HYAL2: variants seen among roughly 807,000 people sequenced by gnomAD.
HYAL2 encodes hyaluronidase-2.
HYAL2 carries 30 observed loss-of-function variants against 35.4 expected under a neutral mutation model. The observed-to-expected ratio is 0.85, with a 90% CI of 0.63 to 1.15. HYAL2 has a LOEUF of 1.15. Ranked by LOEUF, HYAL2 falls within the 50% of genes most tolerant of loss-of-function variation. The pLI is 0.00. For missense variants in HYAL2, 635 were observed against 646.5 expected (o/e 0.98, Z 0.19); for synonymous variants, 262 against 252.8 (o/e 1.04, Z -0.34).
rs782561712 is a variant in HYAL2, at chr3:50,319,631, C to T, written c.859G>A (p.Ala287Thr). ...RVARTHHANH[A>T]LPVYVFTRPT... ...CGTGTGAAGACGTAGACTGGGAGTG[C>T]ATGGTTGGCATGGTGGGTGCGAGCC... Residue 287 changes from alanine (A) to threonine (T), a missense_variant, in exon 2 of 4, where the codon GCA (alanine) becomes ACA (threonine). Physicochemically the swap from Ala to Thr is moderately conservative, Grantham distance 58. Coordinates refer to ENST00000357750, the MANE Select transcript of HYAL2 (RefSeq NM_003773.5). 2 of 1,613,678 alleles carry T rather than the reference C, an allele frequency of 1.2e-6. No individual in the cohort carries two copies. The highest frequency in any genetic ancestry group is 1.1e-5 in the South Asian group (1 of 91,086).
chr3:50,318,050 CA>C lies in HYAL2; in HGVS notation c.*78del. On this transcript the variant is annotated 3_prime_UTR_variant, in exon 4 of 4. Coordinates refer to ENST00000357750, the MANE Select transcript of HYAL2 (RefSeq NM_003773.5). The surrounding 1 kb of genome is among the most constrained non-coding windows in gnomAD (Gnocchi z 4.5). ...TGCCCACTCCAGACTCCAGTTTGTCCACCCCCTGCAGGGTCCTACATGCCTA... is the reference window on the plus strand; with the variant it reads ...TGCCCACTCCAGACTCCAGTTTGTCCCCCCCTGCAGGGTCCTACATGCCTA... 6.9e-7 allele frequency: 1 copy of C among 1,456,956 alleles called. No individual in the cohort carries two copies. Among genetic ancestry groups the C allele is most frequent in the South Asian group, 1.4e-5 (1 of 72,606 alleles). 90.3% of individuals were successfully genotyped at this position (1,456,956 alleles called of 1,614,324 possible).
rs1553716318 is a variant in HYAL2, at chr3:50,319,962, T to A, written c.528A>T (p.Gln176His). Reference protein sequence around the residue: ...WPPDRIVKQAQYEFEFAAQQF... With the variant: ...WPPDRIVKQAHYEFEFAAQQF... ...GCTGTGCTGCGAACTCAAACTCATA[T>A]TGTGCCTGTTTGACTATGCGGTCTG... Residue 176 changes from glutamine to histidine, a missense_variant, in exon 2 of 4, where the codon CAA becomes CAT. Coordinates refer to ENST00000357750, the MANE Select transcript of HYAL2 (RefSeq NM_003773.5). 1.2e-6 allele frequency: 2 copies of A among 1,613,448 alleles called. No homozygotes were observed. The highest frequency in any genetic ancestry group is 1.7e-5 in the Admixed American group (1 of 60,014).
Position 50,319,533 on chromosome 3 carries a change from G to A in HYAL2, c.921+36C>T, listed in dbSNP as rs782662177. ...CCCAAATGTGCAGTGGATCCTCAAG[G>A]AAGGAGAAAAAAGGCAGGGCCCTGG... On this transcript the variant is annotated intron_variant, in intron 2 of 3. Coordinates refer to ENST00000357750, the MANE Select transcript of HYAL2 (RefSeq NM_003773.5). 2.6e-6 allele frequency: 4 copies of A among 1,561,492 alleles called. No individual in the cohort carries two copies. In the East Asian group the frequency reaches 6.9e-5, roughly 27 times the overall value.
intron 2 of HYAL2, 130 bp from the exon 3 acceptor site, chr3:50,319,175 C>A (rs782707455): frequency 6.5e-6 from 4 of 616,226 alleles, no homozygotes; most frequent in East Asian, 2.9e-5. Flanking sequence ...CACGTCCAGG[C>A]AGAGGCTCAT....
Position 50,320,357 on chromosome 3 carries a change from G to C in HYAL2, c.133C>G (p.Gln45Glu). The C allele has an allele frequency of 1.2e-6, 2 of 1,613,580 alleles. No homozygotes were observed. Among genetic ancestry groups the C allele is most frequent in the Non-Finnish European group, 1.7e-6 (2 of 1,179,876 alleles). ...PFVVAWDVPTQDCGPRLKVPL... is the reference protein window; with the variant it reads ...PFVVAWDVPTEDCGPRLKVPL... ...ACCTTGAGGCGTGGGCCACAGTCCT[G>C]TGTGGGCACGTCCCACGCTACCACA... The change falls in exon 2 of 4, where the codon CAG becomes GAG. Residue 45 changes from glutamine (Q) to glutamate (E), a missense_variant. By Grantham distance (29) the Gln-to-Glu change is conservative (BLOSUM62 2). Transcript: ENST00000357750. The surrounding 1 kb of genome is among the most constrained non-coding windows in gnomAD (Gnocchi z 4.8).
Position 50,318,685 on chromosome 3 carries a change from C to A in HYAL2, c.1012-146G>T. 2.4e-6 allele frequency: 2 copies of A among 836,398 alleles called. No homozygotes were observed. The highest frequency in any genetic ancestry group is 3.7e-6 in the Non-Finnish European group (2 of 544,710). 51.8% of individuals were successfully genotyped at this position (836,398 alleles called of 1,614,324 possible). On this transcript the variant is annotated intron_variant, in intron 3 of 3. Transcript: ENST00000357750. The surrounding 1 kb of genome is among the most constrained non-coding windows in gnomAD (Gnocchi z 4.5). Reference sequence around the variant, plus strand: ...TCAATCTGCACCTGAGCCACACAGTCCCTGCTCCTGCTGAGAAGTGGGTGG... The same window carrying A: ...TCAATCTGCACCTGAGCCACACAGTACCTGCTCCTGCTGAGAAGTGGGTGG...
Position 50,318,233 on chromosome 3 carries a change from A to G in HYAL2, c.1318T>C (p.Trp440Arg), listed in dbSNP as rs782404838. The G allele has an allele frequency of 1.4e-5, 23 of 1,613,356 alleles. 1 individual carries two copies. The Admixed American group carries it at 2.5e-4, about 18-fold the overall frequency. The change falls in exon 4 of 4, where the codon TGG becomes CGG. Residue 440 changes from tryptophan to arginine, a missense_variant. Physicochemically the swap from Trp to Arg is moderately radical, Grantham distance 101. Transcript: ENST00000357750. The surrounding 1 kb of genome is among the most constrained non-coding windows in gnomAD (Gnocchi z 4.5). ...YLGWSGEQCQ[W>R]DHRQAAGGAS... ...CCTCCAGCTGCCTGCCTATGGTCCC[A>G]CTGGCATTGCTCACCACTCCAGCCC...
chr3:50,320,596 G>T lies in HYAL2; in HGVS notation c.-46-61C>A. Reference sequence around the variant, plus strand: ...GGAATACTGGAAGTGCCCACCTCAAGCCCATCTATGCTCCCAAAGCCCATG... The same window carrying T: ...GGAATACTGGAAGTGCCCACCTCAATCCCATCTATGCTCCCAAAGCCCATG... On this transcript the variant is annotated intron_variant, in intron 1 of 3. Transcript: ENST00000357750. The surrounding 1 kb of genome is among the most constrained non-coding windows in gnomAD (Gnocchi z 4.8). 2 of 1,017,642 alleles carry T rather than the reference G, an allele frequency of 2.0e-6. No individual in the cohort carries two copies. Among genetic ancestry groups the T allele is most frequent in the Non-Finnish European group, 2.8e-6 (2 of 718,828 alleles). 63.0% of individuals were successfully genotyped at this position (1,017,642 alleles called of 1,614,324 possible).
At position 50,317,972 on chromosome 3, in the gene HYAL2, G is replaced by A. The variant is rs1050169; in HGVS notation, c.*157C>T. 1 of 744,542 alleles carries A rather than the reference G, an allele frequency of 1.3e-6. No individual in the cohort carries two copies. Among genetic ancestry groups the A allele is most frequent in the Non-Finnish European group, 2.2e-6 (1 of 457,300 alleles). 46.1% of individuals were successfully genotyped at this position (744,542 alleles called of 1,614,324 possible). A position where few individuals can be genotyped will look rare whatever the true frequency, so the allele number is the denominator to read the frequency against. ...TCCCAGGGACTTCCCCTCCCCCTTA[G>A]AACAGGGGGGTGCGAGCTGGTATGG... On this transcript the variant is annotated 3_prime_UTR_variant, in exon 4 of 4. Transcript: ENST00000357750.
chr3:50,322,402 T>C lies in HYAL2; in HGVS notation c.-47+251A>G. On this transcript the variant is annotated intron_variant, in intron 1 of 3. Transcript: ENST00000357750. The surrounding 1 kb of genome is among the most constrained non-coding windows in gnomAD (Gnocchi z 5.5). ...CCAGCAAGAGGGGTCTCCCAGGGCCTCCATCCCGTATCCAGCGCCCCCTAC... is the reference window on the plus strand; with the variant it reads ...CCAGCAAGAGGGGTCTCCCAGGGCCCCCATCCCGTATCCAGCGCCCCCTAC... 1 of 150,722 alleles carries C rather than the reference T, an allele frequency of 6.6e-6. No individual in the cohort carries two copies. The highest frequency in any genetic ancestry group is 1.5e-5 in the Non-Finnish European group (1 of 67,826). The allele number at this position is 150,722 out of a possible 1,614,324, so 9.3% of individuals were successfully genotyped here. A position where few individuals can be genotyped will look rare whatever the true frequency, so the allele number is the denominator to read the frequency against.
chr3:50,321,174 C>G (rs1295197029), intron 1 of HYAL2: 3 of 152,218 alleles, frequency 2.0e-5, no homozygotes, highest in Non-Finnish European at 2.9e-5. Context: ...TCGCCTCCCC[C>G]GCCCGGCCGC....
Position 50,319,893 on chromosome 3 carries a change from G to C in HYAL2, c.597C>G (p.Pro199=). The C allele has an allele frequency of 6.2e-7, 1 of 1,613,688 alleles. No individual in the cohort carries two copies. Among genetic ancestry groups the C allele is most frequent in the Non-Finnish European group, 8.5e-7 (1 of 1,180,046 alleles). The part of the protein sequence containing the change: ...ETLRYVKAVR[P]RHLWGFYLFP... ...AGAGGTAGAAGCCCCAGAGGTGCCG[G>C]GGCCGCACTGCCTTGACATAACGCA... The change falls in exon 2 of 4, where the codon CCC becomes CCG. Residue 199 remains proline, a synonymous_variant. Coordinates refer to ENST00000357750, the MANE Select transcript of HYAL2 (RefSeq NM_003773.5).
rs1490787019 is a variant in HYAL2, at chr3:50,319,688, C to G, written c.802G>C (p.Val268Leu). Residue 268 changes from valine to leucine, a missense_variant, in exon 2 of 4, where the codon GTG (valine) becomes CTG (leucine). Physicochemically the swap from Val to Leu is conservative, Grantham distance 32. Coordinates refer to ENST00000357750, the MANE Select transcript of HYAL2 (RefSeq NM_003773.5). ...AGGGCCTCCTGAACACGGAAGCTCA[C>G]AAAGTTGCGGCCATGGCGGGAGGAA... is the stretch of plus-strand genomic sequence containing the variant. Reference protein sequence around the residue: ...LASSRHGRNFVSFRVQEALRV... With the variant: ...LASSRHGRNFLSFRVQEALRV... 1 of 1,613,938 alleles carries G rather than the reference C, an allele frequency of 6.2e-7. No individual in the cohort carries two copies.
rs1248375016 is a variant in HYAL2, at chr3:50,320,737, G to A, written c.-46-202C>T. 1 of 499,224 alleles carries A rather than the reference G, an allele frequency of 2.0e-6. No homozygotes were observed. The highest frequency in any genetic ancestry group is 3.5e-6 in the Non-Finnish European group (1 of 283,864). The allele number at this position is 499,224 out of a possible 1,614,324, so 30.9% of individuals were successfully genotyped here. On this transcript the variant is annotated intron_variant, in intron 1 of 3. Coordinates refer to ENST00000357750, the MANE Select transcript of HYAL2 (RefSeq NM_003773.5). The surrounding 1 kb of genome is among the most constrained non-coding windows in gnomAD (Gnocchi z 4.8). Reference sequence around the variant, plus strand: ...CAGAAGCACAGGGCTCTTTTCTGGAGCAGGTAGCCTGTGGCTCGGCACAAA... The same window carrying A: ...CAGAAGCACAGGGCTCTTTTCTGGAACAGGTAGCCTGTGGCTCGGCACAAA...
rs1553715927 is a variant in HYAL2, at chr3:50,318,518, C to T, written c.1033G>A (p.Asp345Asn). ...TSTETCQYLK[D>N]YLTRLLVPYV... is the part of the protein sequence containing the mutation. ...GGGACCAGCAGCCGTGTCAGGTAAT[C>T]TTTGAGGTACTGGCAGGTCTCCTGG... Residue 345 changes from aspartate to asparagine, a missense_variant, in exon 4 of 4, where the codon GAT becomes AAT. Coordinates refer to ENST00000357750, the MANE Select transcript of HYAL2 (RefSeq NM_003773.5). The surrounding 1 kb of genome is among the most constrained non-coding windows in gnomAD (Gnocchi z 4.5). The T allele has an allele frequency of 1.2e-6, 2 of 1,606,400 alleles. No homozygotes were observed. The highest frequency in any genetic ancestry group is 1.7e-6 in the Non-Finnish European group (2 of 1,175,030).
intron 2 of HYAL2, 90 bp from the exon 3 acceptor site, chr3:50,319,135 C>G: frequency 1.2e-6 from 1 of 844,164 alleles, no homozygotes; most frequent in South Asian, 1.9e-5. Context: ...CCTGATTCAA[C>G]CTGCTGAACT....
Position 50,321,223 on chromosome 3 carries a change from AC to A in HYAL2, c.-46-689del, listed in dbSNP as rs1303225484. On this transcript the variant is annotated intron_variant, in intron 1 of 3. Coordinates refer to ENST00000357750, the MANE Select transcript of HYAL2 (RefSeq NM_003773.5). ...GCGCTCCGCCGGGTCTTTGTGCGGG[AC>A]CCCGCCCCCGCCCCACACGTGGGGC... 4 of 151,396 alleles carry A rather than the reference AC, an allele frequency of 2.6e-5. No individual in the cohort carries two copies. The East Asian group carries it at 5.8e-4, about 22-fold the overall frequency. 9.4% of individuals were successfully genotyped at this position (151,396 alleles called of 1,614,324 possible). A position where few individuals can be genotyped will look rare whatever the true frequency, so the allele number is the denominator to read the frequency against.
In HYAL2 at chr3:50,320,075, G is replaced by A; in HGVS notation, c.415C>T (p.Pro139Ser). ...TCCTGCCAGTTGCGCACCCACACAG[G>A]TCGCCAGTCCTCCCAGTCGATGACC... is the stretch of plus-strand genomic sequence containing the variant. ...LAVIDWEDWR[P>S]VWVRNWQDKD... The change falls in exon 2 of 4, where the codon CCT (proline) becomes TCT (serine). Residue 139 changes from proline to serine, a missense_variant. Coordinates refer to ENST00000357750, the MANE Select transcript of HYAL2 (RefSeq NM_003773.5). This position sits in a 1 kb window ranked among gnomAD's most constrained non-coding sequence, Gnocchi z 4.8. The A allele has an allele frequency of 6.2e-7, 1 of 1,613,542 alleles. No homozygotes were observed. Among genetic ancestry groups the A allele is most frequent in the Non-Finnish European group, 8.5e-7 (1 of 1,180,026 alleles).
In HYAL2 at chr3:50,317,985, C is replaced by A. The variant is rs939350246; in HGVS notation, c.*144G>T. Reference sequence around the variant, plus strand: ...CCCTCCCCCTTAGAACAGGGGGGTGCGAGCTGGTATGGATGCCCTCCTGGG... The same window carrying A: ...CCCTCCCCCTTAGAACAGGGGGGTGAGAGCTGGTATGGATGCCCTCCTGGG... On this transcript the variant is annotated 3_prime_UTR_variant, in exon 4 of 4. Coordinates refer to ENST00000357750, the MANE Select transcript of HYAL2 (RefSeq NM_003773.5). 9.7e-6 allele frequency: 8 copies of A among 827,104 alleles called. No homozygotes were observed. In the South Asian group the frequency reaches 1.5e-4, roughly 15 times the overall value. The allele number at this position is 827,104 out of a possible 1,614,324, so 51.2% of individuals were successfully genotyped here.
Sources: gnomAD v4.1 joint callset for allele counts on GRCh38, gnomAD v4.1.1 for gene constraint, Gnocchi (gnomAD v3.1) non-coding constraint, MANE v1.5 for transcripts, NCBI Gene and HGNC (gene_info 2026-07-23, HGNC 2026-07-21) for gene names.